Variants in CPLANE1 observed in about 807,000 individuals in gnomAD.
CPLANE1 encodes ciliogenesis and planar polarity effector complex subunit 1.
In CPLANE1, 263 loss-of-function variants were observed where a neutral mutation model predicts 362.5. The observed-to-expected ratio is 0.73, with a 90% CI of 0.66 to 0.80. CPLANE1 has a LOEUF of 0.80. CPLANE1 is among the 30% of genes least tolerant of loss of function. The pLI is 0.00. For missense variants in CPLANE1, 3,461 were observed against 3,793.4 expected, an observed-to-expected ratio of 0.91 and a Z score of 2.30; for synonymous variants, 1,212 against 1,302.6, an observed-to-expected ratio of 0.93 and a Z score of 1.50.
At chr5:37,228,075 C>A (rs1024838927) in intron 9 of CPLANE1, among the ~76,000 whole-genome samples, 3 of 152,018 alleles carry the variant, frequency 2.0e-5, no homozygotes, top group Non-Finnish European at 4.4e-5. Context: ...TACATACAAC[C>A]TATTTCAGAA....
At chr5:37,190,836 C>T (rs1428634407) in intron 21 of CPLANE1, among the ~76,000 whole-genome samples, 4 of 152,186 alleles carry the variant, frequency 2.6e-5, no homozygotes, top group East Asian at 1.9e-4. Context: ...TGTGTAAACA[C>T]ACCTACTGCA....
chr5:37,194,892 C>A (rs1786827681), intron 21 of CPLANE1, among the ~76,000 whole-genome samples: 1 of 151,830 alleles, frequency 6.6e-6, no homozygotes, highest in Non-Finnish European at 1.5e-5. Flanking sequence ...GTGGCTCACA[C>A]CTGTAATCCC....
At chr5:37,134,480 A>G (rs1264025506) in intron 46 of CPLANE1, among the ~76,000 whole-genome samples, 4 of 152,128 alleles carry the variant, frequency 2.6e-5, no homozygotes, top group African/African-American at 9.7e-5. Context: ...GATCAGTTGT[A>G]ATGTCACCTT....
At chr5:37,197,589 G>A (rs1580651986) in intron 20 of CPLANE1, among the ~76,000 whole-genome samples, 1 of 152,256 alleles carries the variant, frequency 6.6e-6, no homozygotes, top group South Asian at 2.1e-4. Flanking sequence ...ACCACCCTGT[G>A]GTGGTTCTGA....
At chr5:37,172,007 T>G (rs925800449) in intron 32 of CPLANE1, among the ~76,000 whole-genome samples, 2 of 152,100 alleles carry the variant, frequency 1.3e-5, no homozygotes, top group African/African-American at 4.8e-5. Context: ...AGATGAGGTC[T>G]TGCTATGTTG....
At chr5:37,205,285 C>A (rs1790394260) in intron 18 of CPLANE1, 30 bp downstream of exon 18, 2 of 1,498,152 alleles carry the variant, frequency 1.3e-6, no homozygotes, top group South Asian at 1.4e-5. Context: ...ATTAATCTGA[C>A]ACGAATCAGA....
intron 19 of CPLANE1, among the ~76,000 whole-genome samples, chr5:37,200,162 T>A (rs972685034): frequency 6.6e-6 from 1 of 152,218 alleles, no homozygotes; most frequent in African/African-American, 2.4e-5. Context: ...GGCTTCTTCA[T>A]CACGTGAACC....
chr5:37,120,615 T>C (rs964779700), intron 49 of CPLANE1, among the ~76,000 whole-genome samples: 2 of 152,178 alleles, frequency 1.3e-5, no homozygotes, highest in Non-Finnish European at 2.9e-5. Flanking sequence ...TAGCTCAGAT[T>C]ATATTCACTT....
the CPLANE1 span, among the ~76,000 whole-genome samples, chr5:37,077,990 C>T: frequency 6.6e-6 from 1 of 151,996 alleles, no homozygotes; most frequent in Non-Finnish European, 1.5e-5. Context: ...TGGGCTCAAG[C>T]GATCCTCCTG....
intron 46 of CPLANE1, among the ~76,000 whole-genome samples, chr5:37,136,013 C>T (rs183153545): frequency 1.2e-3 from 181 of 152,240 alleles, no homozygotes; most frequent in Non-Finnish European, 2.3e-3. Flanking sequence ...CATTCTGCCC[C>T]GGCCCTTTCC....
In CPLANE1 at chr5:37,221,350, G is replaced by A; in HGVS notation, c.2720C>T (p.Pro907Leu). The A allele has an allele frequency of 6.7e-7, 1 of 1,495,800 alleles. No homozygotes were observed. The highest frequency in any genetic ancestry group is 1.3e-5 in the South Asian group (1 of 74,530). The allele number at this position is 1,495,800 out of a possible 1,614,324, so 92.7% of individuals were successfully genotyped here. A position where few individuals can be genotyped will look rare whatever the true frequency, so the allele number is the denominator to read the frequency against. ...AREILRWSQL[P>L]VKENKDFSGA... ...TGAAAAATCTTTATTTTCTTTTACA[G>A]GTAGTTGGGACCATCTCAGGATTTC... The change falls in exon 15 of 53, where the codon CCT (proline) becomes CTT (leucine). Residue 907 changes from proline to leucine, a missense_variant. Physicochemically the swap from Pro to Leu is moderately conservative, Grantham distance 98. Around this residue, in one of 2 missense-constraint regions of CPLANE1, gnomAD observed 3,380 missense variants for 3,666.1 expected, o/e 0.92. Coordinates refer to ENST00000651892, the MANE Select transcript of CPLANE1 (RefSeq NM_001384732.1).
At chr5:37,187,977 ATTG>A in intron 21 of CPLANE1, 135 bp from the exon 22 acceptor site, 1 of 488,984 alleles carries the variant, frequency 2.0e-6, no homozygotes, top group Non-Finnish European at 3.5e-6. Context: ...ACACATGCTC[ATTG>A]TAAATTTATA....
chr5:37,236,121 C>T (rs1417688640), intron 8 of CPLANE1, among the ~76,000 whole-genome samples: 1 of 152,118 alleles, frequency 6.6e-6, no homozygotes, highest in African/African-American at 2.4e-5. Context: ...GTGATCCACC[C>T]ACCTTGGCCT....
chr5:37,077,495 A>T, the CPLANE1 span, among the ~76,000 whole-genome samples: 5 of 151,266 alleles, frequency 3.3e-5, no homozygotes, highest in Non-Finnish European at 7.4e-5. Flanking sequence ...GTTTGCATTG[A>T]TTTATATATT....
At chr5:37,089,310 C>T in the CPLANE1 span, among the ~76,000 whole-genome samples, 1 of 152,190 alleles carries the variant, frequency 6.6e-6, no homozygotes, top group Admixed American at 6.5e-5. Flanking sequence ...AACCTCTAAT[C>T]ATGGCCATCC....
intron 46 of CPLANE1, among the ~76,000 whole-genome samples, chr5:37,126,040 C>T (rs977456039): frequency 1.3e-5 from 2 of 152,094 alleles, no homozygotes; most frequent in Non-Finnish European, 2.9e-5. Flanking sequence ...GAGTTCAAGA[C>T]CAGCCTGGGC....
intron 29 of CPLANE1, among the ~76,000 whole-genome samples, chr5:37,178,614 G>GA (rs1209110424): frequency 0.019 from 2,512 of 132,798 alleles, 75 homozygotes; most frequent in African/African-American, 0.065. Flanking sequence ...CCCTCATCTC[G>GA]AAAAAAAAAA....
At chr5:37,115,284 C>T (rs1003991072) in intron 50 of CPLANE1, among the ~76,000 whole-genome samples, 1 of 152,152 alleles carries the variant, frequency 6.6e-6, no homozygotes, top group African/African-American at 2.4e-5. Flanking sequence ...CAAGCACAGC[C>T]ATACTCTTTT....
chr5:37,085,831 G>T, the CPLANE1 span: 1 of 1,351,272 alleles, frequency 7.4e-7, no homozygotes, highest in Non-Finnish European at 1.1e-6. Flanking sequence ...AAAGACTGGG[G>T]GCCAAACAGA....
Sources: gnomAD v4.1 joint callset for allele counts (sites outside exome capture counted in the v4.1 genomes callset) on GRCh38, gnomAD v4.1.1 for gene constraint, gnomAD v4.1.1 regional missense constraint, MANE v1.5 for transcripts, NCBI Gene and HGNC (gene_info 2026-07-23, HGNC 2026-07-21) for gene names.